Variants in STK4 observed in about 807,000 individuals in gnomAD.
STK4 encodes serine/threonine-protein kinase 4.
In STK4, 30 loss-of-function variants were observed where a neutral mutation model predicts 64.9. That is an observed-to-expected ratio of 0.46 (90% CI 0.35 to 0.63). STK4 has a LOEUF of 0.63. Ranked by LOEUF, STK4 falls within the 20% of genes least tolerant of loss-of-function variation. The pLI is 0.01. For missense variants in STK4, 466 were observed against 598.5 expected (o/e 0.78, Z 2.31); for synonymous variants, 177 against 199.0 (o/e 0.89, Z 0.93).
chr20:45,003,861 C>T (rs1031932839), intron 9 of STK4, among the ~76,000 whole-genome samples: 9 of 151,570 alleles, frequency 5.9e-5, no homozygotes, highest in Admixed American at 1.3e-4. Context: ...CGACTACAGG[C>T]GTGTGCTGCC....
chr20:45,072,610 A>G (rs1375077178), intron 10 of STK4, among the ~76,000 whole-genome samples: 1 of 152,230 alleles, frequency 6.6e-6, no homozygotes, highest in East Asian at 1.9e-4. Flanking sequence ...CACCTGACCC[A>G]TAGTAGGTGT....
At position 45,078,567 on chromosome 20, in the gene STK4, CT is replaced by C. The variant is rs34932056; in HGVS notation, c.*3406del. On this transcript the variant is annotated 3_prime_UTR_variant, in exon 11 of 11. Transcript: ENST00000372806. ...CCATCAGTAATTTTGAAGCACTTTC[CT>C]TTTTTTTTTTTTTTCCCCTTTTTGT... 704 of 139,732 alleles carry C rather than the reference CT, an allele frequency of 5.0e-3. 2 individuals are homozygous for C. The highest frequency in any genetic ancestry group is 9.2e-3 in the East Asian group (45 of 4,896). The allele number at this position is 139,732 out of a possible 1,614,324, so 8.7% of individuals were successfully genotyped here. A position where few individuals can be genotyped will look rare whatever the true frequency, so the allele number is the denominator to read the frequency against.
chr20:45,001,227 G>C lies in STK4; in HGVS notation c.1021G>C (p.Val341Leu). ...AGCAGTGGGTGATGAGATGGGCACT[G>C]TCCGAGTAGCCAGCACCATGACTGA... The part of the protein sequence containing the change: ...VRAVGDEMGT[V>L]RVASTMTDGA... Residue 341 changes from valine to leucine, a missense_variant, in exon 9 of 11, where the codon GTC (valine) becomes CTC (leucine). Physicochemically the swap from Val to Leu is conservative, Grantham distance 32. Transcript: ENST00000372806. The C allele has an allele frequency of 6.2e-7, 1 of 1,614,174 alleles. No individual in the cohort carries two copies. The highest frequency in any genetic ancestry group is 8.5e-7 in the Non-Finnish European group (1 of 1,180,028).
At chr20:45,045,575 G>A (rs1015104866) in intron 10 of STK4, among the ~76,000 whole-genome samples, 2 of 152,122 alleles carry the variant, frequency 1.3e-5, no homozygotes, top group African/African-American at 4.8e-5. Flanking sequence ...ATCTTCCTGG[G>A]AATTTCGTGA....
At chr20:44,975,815 G>A (rs961120999) in intron 2 of STK4, 1 of 152,178 alleles carries the variant, frequency 6.6e-6, no homozygotes, top group Non-Finnish European at 1.5e-5. Flanking sequence ...ATAAGACCTG[G>A]TTTAAGTTGT....
At chr20:45,020,404 ACT>A (rs1568727730) in intron 9 of STK4, among the ~76,000 whole-genome samples, 2 of 147,804 alleles carry the variant, frequency 1.4e-5, no homozygotes, top group South Asian at 4.3e-4. Context: ...AAAGAATAGA[ACT>A]CTTTTTTCCA....
At chr20:45,017,880 A>G (rs1053298564) in intron 9 of STK4, among the ~76,000 whole-genome samples, 1 of 152,238 alleles carries the variant, frequency 6.6e-6, no homozygotes, top group Non-Finnish European at 1.5e-5. Context: ...AAGTCCATTC[A>G]TATAGAGGCA....
At chr20:45,070,779 T>C in intron 10 of STK4, among the ~76,000 whole-genome samples, 1 of 151,698 alleles carries the variant, frequency 6.6e-6, no homozygotes, top group South Asian at 2.1e-4. Context: ...TCCCAGCTAC[T>C]TGGGAGGCTG....
intron 1 of STK4, among the ~76,000 whole-genome samples, chr20:44,971,081 CTACACACACA>C (rs1258567892): frequency 4.1e-5 from 3 of 74,002 alleles, no homozygotes; most frequent in Non-Finnish European, 7.6e-5. Context: ...ATTGTGTAGA[CTACACACACA>C]CACACACACA....
chr20:44,971,665 CTTTTTT>C (rs71197585), intron 1 of STK4, among the ~76,000 whole-genome samples: 17 of 90,378 alleles, frequency 1.9e-4, no homozygotes, highest in Non-Finnish European at 2.9e-4. Flanking sequence ...AGCCACATGA[CTTTTTT>C]TTTTTTTTTT....
intron 1 of STK4, among the ~76,000 whole-genome samples, chr20:44,971,665 C>CTTTTT (rs71197585): frequency 3.7e-4 from 33 of 90,370 alleles, no homozygotes; most frequent in East Asian, 5.8e-4. Context: ...AGCCACATGA[C>CTTTTT]TTTTTTTTTT....
chr20:45,024,913 A>AT, intron 9 of STK4, 60 bp from the exon 10 acceptor site: 1 of 1,444,214 alleles, frequency 6.9e-7, no homozygotes, highest in Non-Finnish European at 9.1e-7. Context: ...ATGTCTATTT[A>AT]TTAAACTTAC....
chr20:44,993,133 C>CT (rs539299353), intron 5 of STK4, among the ~76,000 whole-genome samples: 10 of 145,612 alleles, frequency 6.9e-5, no homozygotes, highest in East Asian at 4.0e-4. Flanking sequence ...ATTCCCAGTG[C>CT]TTTTTTTTTT....
chr20:45,075,113 G>A lies in STK4; in HGVS notation c.1401G>A (p.Gln467=), dbSNP rs528126240. ...QEIEEIRQKY[Q]SKRQPILDAI... ...TTGAAGAGATCCGGCAGAAGTACCA[G>A]TCCAAGCGGCAGCCCATCCTGGATG... Residue 467 remains glutamine, a synonymous_variant, in exon 11 of 11, where the codon CAG becomes CAA. Coordinates refer to ENST00000372806, the MANE Select transcript of STK4 (RefSeq NM_006282.5). 1.2e-6 allele frequency: 2 copies of A among 1,614,200 alleles called. No individual in the cohort carries two copies. Among genetic ancestry groups the A allele is most frequent in the Non-Finnish European group, 1.7e-6 (2 of 1,180,032 alleles).
At chr20:44,978,292 A>G (rs964351035) in intron 2 of STK4, 151 bp from the exon 3 acceptor site, 2 of 976,288 alleles carry the variant, frequency 2.0e-6, no homozygotes, top group African/African-American at 1.7e-5. Flanking sequence ...TTTTTTCCCC[A>G]AAAGTATTTT....
At chr20:45,010,291 T>C (rs1037719337) in intron 9 of STK4, among the ~76,000 whole-genome samples, 2 of 152,150 alleles carry the variant, frequency 1.3e-5, no homozygotes, top group Non-Finnish European at 2.9e-5. Context: ...GGTCTCCAAC[T>C]CCTGACCTTG....
chr20:44,966,891 C>T (rs187710293), intron 1 of STK4, among the ~76,000 whole-genome samples: 1 of 152,114 alleles, frequency 6.6e-6, no homozygotes, highest in African/African-American at 2.4e-5. Flanking sequence ...CCGGGCCACT[C>T]GGGGGAACGC....
At chr20:45,008,179 T>C (rs1601254962) in intron 9 of STK4, among the ~76,000 whole-genome samples, 1 of 152,084 alleles carries the variant, frequency 6.6e-6, no homozygotes, top group Non-Finnish European at 1.5e-5. Context: ...CTCAGCCTCC[T>C]GAGTAGCTGG....
chr20:45,003,678 T>C (rs2067881369), intron 9 of STK4, among the ~76,000 whole-genome samples: 1 of 151,806 alleles, frequency 6.6e-6, no homozygotes, highest in African/African-American at 2.4e-5. Context: ...CTTTCCTTCC[T>C]CTCAGTTTTG....
Sources: gnomAD v4.1 joint callset for allele counts (sites outside exome capture counted in the v4.1 genomes callset) on GRCh38, gnomAD v4.1.1 for gene constraint, MANE v1.5 for transcripts, NCBI Gene and HGNC (gene_info 2026-07-23, HGNC 2026-07-21) for gene names.